VEGFB: variants seen among roughly 807,000 people sequenced by gnomAD.
VEGFB encodes the protein vascular endothelial growth factor B, also known as VEGF-related factor.
Under a neutral mutation model 22.5 loss-of-function variants are expected in VEGFB, and 24 were observed. The ratio of observed to expected loss-of-function variants is 1.07; its 90% confidence interval spans 0.77 to 1.50. The LOEUF (loss-of-function observed/expected upper bound fraction) is 1.50, where lower values mean the gene tolerates loss of function less well. VEGFB is among the 40% of genes most tolerant of loss of function. VEGFB has a pLI of 0.00. For synonymous variants in VEGFB, 141 were observed against 117.4 expected (o/e 1.20, Z -1.30); for missense variants, 327 against 287.8 (o/e 1.14, Z -0.99).
At position 64,237,597 on chromosome 11, in the gene VEGFB, C is replaced by A; in HGVS notation, c.588C>A (p.Asp196Glu). Residue 196 changes from aspartate (D) to glutamate (E), a missense_variant, in exon 6 of 7, where the codon GAC (aspartate) becomes GAA (glutamate). Asp to Glu is a conservative substitution (Grantham distance 45). Coordinates refer to ENST00000309422, the MANE Select transcript of VEGFB (RefSeq NM_003377.5). Reference sequence around the variant, plus strand: ...CCGGACCTGCCGCTGCCGCTGCCGACGCCGCAGCTTCCTCCGTTGCCAAGG... The same window carrying A: ...CCGGACCTGCCGCTGCCGCTGCCGAAGCCGCAGCTTCCTCCGTTGCCAAGG... ...LTPGPAAAAA[D>E]AAASSVAKGG... The A allele has an allele frequency of 6.3e-7, 1 of 1,590,592 alleles. No individual in the cohort carries two copies. Among genetic ancestry groups the A allele is most frequent in the South Asian group, 1.1e-5 (1 of 89,860 alleles).
intron 3 of VEGFB, 100 bp from the exon 4 acceptor site, chr11:64,236,154 C>A: frequency 6.5e-7 from 1 of 1,542,414 alleles, no homozygotes; most frequent in South Asian, 1.2e-5. Flanking sequence ...GGCTGGTGGC[C>A]AGCCTCCCGG....
In VEGFB at chr11:64,237,179, C is replaced by CTT. The variant is rs2030154641; in HGVS notation, c.375-5_375-4dup. On this transcript the variant is annotated splice_region_variant and splice_polypyrimidine_tract_variant and intron_variant, in intron 4 of 6. Coordinates refer to ENST00000309422, the MANE Select transcript of VEGFB (RefSeq NM_003377.5). The stretch of plus-strand genomic sequence containing the variant: ...TGTTTGTCTGTGTCTGTCTATCTTA[C>CTT]TTTTCAGACCTAAAAAAAAGGACAG... 6.3e-7 allele frequency: 1 copy of CTT among 1,599,864 alleles called. No individual in the cohort carries two copies. Among genetic ancestry groups the CTT allele is most frequent in the African/African-American group, 1.4e-5 (1 of 73,940 alleles).
intron 6 of VEGFB, 92 bp from the exon 7 acceptor site, chr11:64,238,264 G>T (rs976344612): frequency 3.8e-5 from 57 of 1,486,360 alleles, no homozygotes; most frequent in Non-Finnish European, 5.1e-5. Context: ...AGGATGCTCA[G>T]GTTGTGATCT....
intron 2 of VEGFB, 37 bp from the exon 3 acceptor site, chr11:64,235,776 A>C (rs768286385): frequency 6.2e-7 from 1 of 1,610,560 alleles, no homozygotes; most frequent in South Asian, 1.1e-5. Context: ...CTGCAGGAAA[A>C]CCAGTGAGGA....
rs1172734208 is a variant in VEGFB at position 64,237,329 on chromosome 11, T to C, written c.411-91T>C. On this transcript the variant is annotated intron_variant, in intron 5 of 6. Transcript: ENST00000309422. ...ACCCGTCCCCCACTTTCCCTTTTCC[T>C]CTGCTCCCCAAGCCTGTGTTCTCTG... The C allele has an allele frequency of 6.0e-6, 9 of 1,512,058 alleles. No individual in the cohort carries two copies. The South Asian group carries it at 8.1e-5, about 14-fold the overall frequency. 93.7% of individuals were successfully genotyped at this position (1,512,058 alleles called of 1,614,324 possible). A position where few individuals can be genotyped will look rare whatever the true frequency, so the allele number is the denominator to read the frequency against.
chr11:64,236,014 T>C lies in VEGFB; in HGVS notation c.300+5T>C, dbSNP rs1188382943. On this transcript the variant is annotated splice_donor_5th_base_variant and intron_variant, in intron 3 of 6. Transcript: ENST00000309422. ...CAGCACCAAGTCCGGATGCAGGTAC[T>C]GGGCAGGTGGGGCAACGGGCAGGGG... The C allele has an allele frequency of 6.3e-7, 1 of 1,578,072 alleles. No homozygotes were observed. The highest frequency in any genetic ancestry group is 1.1e-5 in the South Asian group (1 of 88,316).
In VEGFB at chr11:64,237,126, G is replaced by GAGATA; in HGVS notation, c.375-61_375-60insAGATA. On this transcript the variant is annotated intron_variant, in intron 4 of 6. Coordinates refer to ENST00000309422, the MANE Select transcript of VEGFB (RefSeq NM_003377.5). ...GAGAGAGAGAGAGAGAGAGAGAGTA[G>GAGATA]GATGCTGGGATTTCCTGATCTTCCT... The GAGATA allele has an allele frequency of 8.4e-6, 6 of 717,556 alleles. 1 individual carries two copies. In the African/African-American group the frequency reaches 9.5e-5, roughly 11 times the overall value. The allele number at this position is 717,556 out of a possible 1,614,324, so 44.4% of individuals were successfully genotyped here.
chr11:64,237,147 TTCC>T, intron 4 of VEGFB, 37 bp from the exon 5 acceptor site: 1 of 1,499,636 alleles, frequency 6.7e-7, no homozygotes. Flanking sequence ...TTTCCTGATC[TTCC>T]TCTTGTTTGT....
At chr11:64,236,922 A>G (rs1417422741) in intron 4 of VEGFB, among the ~76,000 whole-genome samples, 1 of 148,030 alleles carries the variant, frequency 6.8e-6, no homozygotes, top group Non-Finnish European at 1.5e-5. Context: ...CTACTAAAAA[A>G]AAATACAAAA....
Position 64,238,475 on chromosome 11 carries a change from A to G in VEGFB, c.*142A>G, listed in dbSNP as rs766753479. 33 of 1,472,844 alleles carry G rather than the reference A, an allele frequency of 2.2e-5. No individual in the cohort carries two copies. Among genetic ancestry groups the G allele is most frequent in the African/African-American group, 2.8e-5 (2 of 71,612 alleles). The allele number at this position is 1,472,844 out of a possible 1,614,324, so 91.2% of individuals were successfully genotyped here. ...CTGGTAAAAAACAGCCAAGCCCCCA[A>G]GACCTCAGCCCAGGCAGAAGCTGCT... On this transcript the variant is annotated 3_prime_UTR_variant, in exon 7 of 7. Coordinates refer to ENST00000309422, the MANE Select transcript of VEGFB (RefSeq NM_003377.5).
rs1395474269 is a variant in VEGFB, at chr11:64,238,436, G to A, written c.*103G>A. 2 of 1,533,284 alleles carry A rather than the reference G, an allele frequency of 1.3e-6. No homozygotes were observed. Among genetic ancestry groups the A allele is most frequent in the African/African-American group, 2.7e-5 (2 of 72,942 alleles). 95.0% of individuals were successfully genotyped at this position (1,533,284 alleles called of 1,614,324 possible). On this transcript the variant is annotated 3_prime_UTR_variant, in exon 7 of 7. Transcript: ENST00000309422. ...CCTCAGAGGCTATATCCCAGTGGGG[G>A]AACAAAGAGGAGCCTGGTAAAAAAC...
At position 64,236,251 on chromosome 11, in the gene VEGFB, C is replaced by G; in HGVS notation, c.301-3C>G. On this transcript the variant is annotated splice_polypyrimidine_tract_variant and splice_region_variant and intron_variant, in intron 3 of 6. Transcript: ENST00000309422. Reference sequence around the variant, plus strand: ...GTCCCCCCTGTTCTTCTCCTGAGCACAGATCCTCATGATCCGGTACCCGAG... The same window carrying G: ...GTCCCCCCTGTTCTTCTCCTGAGCAGAGATCCTCATGATCCGGTACCCGAG... The G allele has an allele frequency of 3.1e-6, 5 of 1,613,936 alleles. No homozygotes were observed. The highest frequency in any genetic ancestry group is 2.2e-5 in the East Asian group (1 of 44,882).
chr11:64,234,811 G>T lies in VEGFB; in HGVS notation c.-23G>T, dbSNP rs745345561. 254 of 1,143,972 alleles carry T rather than the reference G, an allele frequency of 2.2e-4. 2 individuals are homozygous for T. Among genetic ancestry groups the T allele is most frequent in the Non-Finnish European group, 3.6e-5 (34 of 932,136 alleles). 70.9% of individuals were successfully genotyped at this position (1,143,972 alleles called of 1,614,324 possible). ...GGGCTAGGGCGATGCGGGCGCCCCCGGCGGGCGGCCCCGGCGGGCACCATG... is the reference window on the plus strand; with the variant it reads ...GGGCTAGGGCGATGCGGGCGCCCCCTGCGGGCGGCCCCGGCGGGCACCATG... On this transcript the variant is annotated 5_prime_UTR_variant, in exon 1 of 7. Transcript: ENST00000309422. The surrounding 1 kb of genome is among the most constrained non-coding windows in gnomAD (Gnocchi z 5.3).
chr11:64,234,722 CCCCCGCCCGCCGCGCCCGGG>C lies in VEGFB; in HGVS notation c.-108_-89del, dbSNP rs1947227304. 8.7e-6 allele frequency: 2 copies of C among 230,896 alleles called. No homozygotes were observed. Among genetic ancestry groups the C allele is most frequent in the African/African-American group, 4.8e-5 (2 of 42,016 alleles). 14.3% of individuals were successfully genotyped at this position (230,896 alleles called of 1,614,324 possible). A position where few individuals can be genotyped will look rare whatever the true frequency, so the allele number is the denominator to read the frequency against. On this transcript the variant is annotated 5_prime_UTR_variant, in exon 1 of 7. Coordinates refer to ENST00000309422, the MANE Select transcript of VEGFB (RefSeq NM_003377.5). This position sits in a 1 kb window ranked among gnomAD's most constrained non-coding sequence, Gnocchi z 5.3. The stretch of plus-strand genomic sequence containing the variant: ...CGGAGGAGTCGCCCCCCGCGCCCGG[CCCCCGCCCGCCGCGCCCGGG>C]CCCGCGCCATGGGGCTCTGGCTGTC...
intron 3 of VEGFB, 37 bp downstream of exon 3, chr11:64,236,046 G>A (rs984114723): frequency 5.8e-6 from 9 of 1,555,548 alleles, no homozygotes; most frequent in Non-Finnish European, 7.8e-6. Context: ...GGGGATGCAG[G>A]TACTGGGCAG....
Position 64,237,126 on chromosome 11 carries a change from G to GAGAGAGAGAGAGACAGACA in VEGFB, c.375-61_375-60insAGAGAGAGAGAGACAGACA. The GAGAGAGAGAGAGACAGACA allele has an allele frequency of 2.2e-5, 16 of 717,460 alleles. No individual in the cohort carries two copies. The East Asian group carries it at 2.9e-4, about 13-fold the overall frequency. The allele number at this position is 717,460 out of a possible 1,614,324, so 44.4% of individuals were successfully genotyped here. A position where few individuals can be genotyped will look rare whatever the true frequency, so the allele number is the denominator to read the frequency against. On this transcript the variant is annotated intron_variant, in intron 4 of 6. Coordinates refer to ENST00000309422, the MANE Select transcript of VEGFB (RefSeq NM_003377.5). ...GAGAGAGAGAGAGAGAGAGAGAGTA[G>GAGAGAGAGAGAGACAGACA]GATGCTGGGATTTCCTGATCTTCCT... is the stretch of plus-strand genomic sequence containing the variant.
At chr11:64,236,059 G>T in intron 3 of VEGFB, 50 bp downstream of exon 3, 1 of 1,544,608 alleles carries the variant, frequency 6.5e-7, no homozygotes, top group Non-Finnish European at 8.7e-7. Context: ...CTGGGCAGGT[G>T]GGGCAGCGGG....
intron 5 of VEGFB, 44 bp downstream of exon 5, chr11:64,237,266 A>C (rs2030168068): frequency 6.3e-7 from 1 of 1,575,584 alleles, no homozygotes; most frequent in Non-Finnish European, 8.7e-7. Flanking sequence ...TGGGGAGTAC[A>C]AGTGAGTCCA....
At position 64,236,296 on chromosome 11, in the gene VEGFB, T is replaced by C; in HGVS notation, c.343T>C (p.Ser115Pro). The C allele has an allele frequency of 6.2e-7, 1 of 1,613,878 alleles. No homozygotes were observed. Among genetic ancestry groups the C allele is most frequent in the Middle Eastern group, 1.7e-4 (1 of 6,054 alleles). The change falls in exon 4 of 7, where the codon TCC becomes CCC. Residue 115 changes from serine (S) to proline (P), a missense_variant. Transcript: ENST00000309422. ...RYPSSQLGEM[S>P]LEEHSQCECR... ...CCCGAGCAGTCAGCTGGGGGAGATG[T>C]CCCTGGAAGAACACAGCCAGTGTGA... is the stretch of plus-strand genomic sequence containing the variant.
Sources: allele counts gnomAD v4.1 joint callset (sites outside exome capture counted in the v4.1 genomes callset), GRCh38; gene constraint gnomAD v4.1.1; non-coding constraint Gnocchi (gnomAD v3.1); transcripts MANE v1.5; gene names NCBI Gene and HGNC (gene_info 2026-07-23, HGNC 2026-07-21).